Variants in GALNT13 observed in about 807,000 individuals in gnomAD.
GALNT13 encodes the protein UDP-GalNAc:polypeptide N-acetylgalactosaminyltransferase 13.
In GALNT13, 28 loss-of-function variants were observed where a neutral mutation model predicts 64.2. That is an observed-to-expected ratio of 0.44 (90% CI 0.32 to 0.60). The LOEUF (loss-of-function observed/expected upper bound fraction) is 0.60, where lower values mean the gene tolerates loss of function less well. GALNT13 is among the 20% of genes least tolerant of loss of function. The probability of loss-of-function intolerance (pLI) is 0.05; values close to 1 mark genes in which losing one functional copy is unlikely to be tolerated. For synonymous variants in GALNT13, 214 were observed against 224.6 expected (o/e 0.95, Z 0.42); for missense variants, 577 against 669.8 (o/e 0.86, Z 1.53).
At chr2:153,298,512 G>T in the GALNT13 span, among the ~76,000 whole-genome samples, 200 of 152,272 alleles carry the variant, frequency 1.3e-3, 6 homozygotes, top group East Asian at 0.036. Context: ...CTCAATGTTA[G>T]CAGGAGATTA....
At chr2:153,657,842 G>C in the GALNT13 span, among the ~76,000 whole-genome samples, 6 of 152,072 alleles carry the variant, frequency 3.9e-5, no homozygotes, top group Non-Finnish European at 7.4e-5. Context: ...TCCCTTCCAT[G>C]TGTGTCCTTT....
the GALNT13 span, among the ~76,000 whole-genome samples, chr2:153,265,930 T>C: frequency 6.6e-6 from 1 of 152,208 alleles, no homozygotes; most frequent in Non-Finnish European, 1.5e-5. Flanking sequence ...CTAGTGTGGG[T>C]AAAATGCTAC....
At chr2:153,217,559 C>A in the GALNT13 span, among the ~76,000 whole-genome samples, 5 of 151,912 alleles carry the variant, frequency 3.3e-5, no homozygotes, top group East Asian at 7.7e-4. Context: ...TTTCTATTGA[C>A]CTATCTTTAA....
chr2:153,787,145 A>G, the GALNT13 span, among the ~76,000 whole-genome samples: 2 of 152,136 alleles, frequency 1.3e-5, no homozygotes, highest in Admixed American at 1.3e-4. Flanking sequence ...GAAGCCCAGG[A>G]GTACTAAGCT....
At chr2:153,197,720 G>T in the GALNT13 span, among the ~76,000 whole-genome samples, 1 of 152,216 alleles carries the variant, frequency 6.6e-6, no homozygotes, top group Admixed American at 6.5e-5. Context: ...AAAACACAGA[G>T]GCCCTCCTGC....
At chr2:153,727,922 G>T in the GALNT13 span, among the ~76,000 whole-genome samples, 2 of 152,046 alleles carry the variant, frequency 1.3e-5, no homozygotes, top group African/African-American at 4.8e-5. Flanking sequence ...CAGGTCCCTG[G>T]TGTGATGTTC....
intron 9 of GALNT13, among the ~76,000 whole-genome samples, chr2:154,342,320 CAA>C (rs1393124534): frequency 6.6e-6 from 1 of 152,036 alleles, no homozygotes; most frequent in African/African-American, 2.4e-5. Flanking sequence ...ATTCACCTCT[CAA>C]AATGTGATTG....
the GALNT13 span, among the ~76,000 whole-genome samples, chr2:153,433,437 T>TTCC: frequency 6.6e-6 from 1 of 151,676 alleles, no homozygotes; most frequent in Non-Finnish European, 1.5e-5. Flanking sequence ...TTGGCAATCC[T>TTCC]CTTATCCTGG....
chr2:153,739,564 T>TTTTG, the GALNT13 span, among the ~76,000 whole-genome samples: 1 of 141,352 alleles, frequency 7.1e-6, no homozygotes, highest in African/African-American at 2.6e-5. Context: ...TTATTTATTA[T>TTTTG]TTTATTTATT....
At chr2:153,470,784 A>T in the GALNT13 span, among the ~76,000 whole-genome samples, 1 of 152,050 alleles carries the variant, frequency 6.6e-6, no homozygotes, top group Non-Finnish European at 1.5e-5. Flanking sequence ...AATGTTACTT[A>T]AAAGAAGAAT....
At chr2:153,490,182 G>A in the GALNT13 span, among the ~76,000 whole-genome samples, 1 of 152,100 alleles carries the variant, frequency 6.6e-6, no homozygotes, top group African/African-American at 2.4e-5. Context: ...TAAGATGGCT[G>A]CCTTTGGATA....
chr2:153,341,795 T>G, the GALNT13 span, among the ~76,000 whole-genome samples: 12 of 152,194 alleles, frequency 7.9e-5, no homozygotes. Context: ...GCCACTTCCT[T>G]GGCAGGCTTA....
intron 3 of GALNT13, among the ~76,000 whole-genome samples, chr2:154,085,247 T>G (rs188231375): frequency 8.5e-5 from 13 of 152,156 alleles, no homozygotes; most frequent in Admixed American, 2.6e-4. Flanking sequence ...CCTGCTTAAA[T>G]TTGAAATAGT....
chr2:154,060,989 T>C (rs1031048773), intron 3 of GALNT13, among the ~76,000 whole-genome samples: 11 of 151,510 alleles, frequency 7.3e-5, no homozygotes, highest in African/African-American at 2.7e-4. Flanking sequence ...TCAACAAATA[T>C]ATCAAGCATT....
At chr2:154,300,763 G>C (rs1693397238) in intron 8 of GALNT13, among the ~76,000 whole-genome samples, 1 of 152,112 alleles carries the variant, frequency 6.6e-6, no homozygotes, top group Non-Finnish European at 1.5e-5. Flanking sequence ...AGAATTTATA[G>C]TTTTAAAGGA....
chr2:153,951,951 A>G (rs1248653987), intron 3 of GALNT13, among the ~76,000 whole-genome samples: 2 of 152,132 alleles, frequency 1.3e-5, no homozygotes, highest in African/African-American at 2.4e-5. Flanking sequence ...ATGTAGTTCT[A>G]TTCCAATATT....
chr2:153,409,387 T>TTCATATGTATATGTATATATTC, the GALNT13 span, among the ~76,000 whole-genome samples: 1 of 129,430 alleles, frequency 7.7e-6, no homozygotes, highest in Admixed American at 7.4e-5. Flanking sequence ...TATATATATA[T>TTCATATGTATATGTATATATTC]ATATCTCCTA....
chr2:153,285,440 G>A, the GALNT13 span, among the ~76,000 whole-genome samples: 1 of 152,040 alleles, frequency 6.6e-6, no homozygotes, highest in Non-Finnish European at 1.5e-5. Context: ...TCACACTAGG[G>A]AAAATGGAAT....
chr2:153,329,531 T>A, the GALNT13 span, among the ~76,000 whole-genome samples: 1 of 152,232 alleles, frequency 6.6e-6, no homozygotes, highest in African/African-American at 2.4e-5. Context: ...TGATTACTGA[T>A]GCTGGACATT....
Sources: gnomAD v4.1 joint callset for allele counts (sites outside exome capture counted in the v4.1 genomes callset) on GRCh38, gnomAD v4.1.1 for gene constraint, MANE v1.5 for transcripts, NCBI Gene and HGNC (gene_info 2026-07-23, HGNC 2026-07-21) for gene names.